Variants in RPTOR observed in about 807,000 individuals in gnomAD.
RPTOR encodes the protein regulatory associated protein of MTOR complex 1.
A neutral mutation model predicts 169.9 loss-of-function variants in RPTOR; 21 were observed. The ratio of observed to expected loss-of-function variants is 0.12; its 90% CI spans 0.09 to 0.18. The LOEUF (loss-of-function observed/expected upper bound fraction) is 0.18. RPTOR is among the 10% of genes least tolerant of loss of function. RPTOR has a pLI of 1.00. For synonymous variants in RPTOR, 732 were observed against 753.2 expected, an observed-to-expected ratio of 0.97 and a Z score of 0.46; for missense variants, 1,133 against 1,855.9, an observed-to-expected ratio of 0.61 and a Z score of 7.16.
chr17:80,617,886 C>T (rs944756042), intron 1 of RPTOR, among the ~76,000 whole-genome samples: 17 of 152,162 alleles, frequency 1.1e-4, no homozygotes, highest in African/African-American at 3.9e-4. Context: ...TTCACACACC[C>T]GCACCAGGGC....
At chr17:80,816,074 G>T (rs547252247) in intron 7 of RPTOR, among the ~76,000 whole-genome samples, 11 of 152,250 alleles carry the variant, frequency 7.2e-5, no homozygotes, top group Admixed American at 2.0e-4. Context: ...CCAGCCAGAG[G>T]AGTTTTGCTT....
At chr17:80,602,533 A>T in intron 1 of RPTOR, 1 of 507,206 alleles carries the variant, frequency 2.0e-6, no homozygotes, top group South Asian at 1.6e-5. Context: ...TATTTGATGT[A>T]TTTGATGATC....
intron 2 of RPTOR, among the ~76,000 whole-genome samples, chr17:80,636,166 G>C (rs940524967): frequency 6.6e-6 from 1 of 152,026 alleles, no homozygotes; most frequent in African/African-American, 2.4e-5. Flanking sequence ...TAGTGATGCC[G>C]TGTACCTCAT....
At chr17:80,925,254 C>A (rs1235454884) in intron 23 of RPTOR, 116 bp from the exon 24 acceptor site, 2 of 787,800 alleles carry the variant, frequency 2.5e-6, no homozygotes, top group African/African-American at 1.7e-5. Flanking sequence ...TCCTTAGGGG[C>A]AGCCCGGTGC....
At chr17:80,876,529 G>A (rs1415308164) in intron 13 of RPTOR, among the ~76,000 whole-genome samples, 3 of 76,476 alleles carry the variant, frequency 3.9e-5, no homozygotes, top group African/African-American at 1.4e-4. Flanking sequence ...TGTGTGTGTC[G>A]CCTGCCGTGT....
At chr17:80,713,579 A>G (rs2066214721) in intron 4 of RPTOR, among the ~76,000 whole-genome samples, 1 of 152,218 alleles carries the variant, frequency 6.6e-6, no homozygotes, top group Non-Finnish European at 1.5e-5. Context: ...ATGTATTTTA[A>G]ATACAAAGAC....
intron 9 of RPTOR, among the ~76,000 whole-genome samples, chr17:80,833,787 C>T (rs867049260): frequency 6.6e-6 from 1 of 152,168 alleles, no homozygotes; most frequent in African/African-American, 2.4e-5. Context: ...GTCAGGAGTT[C>T]GAGACCCGCC....
intron 6 of RPTOR, among the ~76,000 whole-genome samples, chr17:80,768,857 G>C (rs369578524): frequency 6.6e-6 from 1 of 152,118 alleles, no homozygotes; most frequent in Non-Finnish European, 1.5e-5. Flanking sequence ...AATCAGTGAC[G>C]TTAGGTCACA....
At chr17:80,872,551 A>T (rs2068062779) in intron 13 of RPTOR, among the ~76,000 whole-genome samples, 1 of 152,210 alleles carries the variant, frequency 6.6e-6, no homozygotes, top group Non-Finnish European at 1.5e-5. Context: ...GCCAGGCTGC[A>T]GGGAACTGGG....
chr17:80,826,381 G>A (rs376834174), intron 9 of RPTOR, among the ~76,000 whole-genome samples: 3 of 152,280 alleles, frequency 2.0e-5, no homozygotes, highest in African/African-American at 4.8e-5. Context: ...GACACTTCCC[G>A]GCCGGCTGTG....
chr17:80,907,643 C>T (rs188019246), intron 20 of RPTOR, among the ~76,000 whole-genome samples: 223 of 143,786 alleles, frequency 1.6e-3, no homozygotes, highest in African/African-American at 3.4e-3. Context: ...GCCTGCCCCC[C>T]CTTCTGGTTT....
At chr17:80,631,869 G>A (rs943587056) in intron 2 of RPTOR, among the ~76,000 whole-genome samples, 1 of 152,172 alleles carries the variant, frequency 6.6e-6, no homozygotes, top group African/African-American at 2.4e-5. Context: ...AGCTTGGGAG[G>A]TCGAGGCTGC....
At chr17:80,850,676 C>T (rs1270573813) in intron 11 of RPTOR, among the ~76,000 whole-genome samples, 1 of 152,204 alleles carries the variant, frequency 6.6e-6, no homozygotes, top group Non-Finnish European at 1.5e-5. Flanking sequence ...CTCCGTGCAT[C>T]ATTTTTTTTA....
chr17:80,845,642 G>A lies in RPTOR; in HGVS notation c.1213-831G>A, dbSNP rs1036607741. On this transcript the variant is annotated intron_variant, in intron 10 of 33. Transcript: ENST00000306801. This position sits in a 1 kb window ranked among gnomAD's most constrained non-coding sequence, Gnocchi z 5.4. ...TTCCCCACCCTCCGTGCCCCCAGCT[G>A]GGTCTTTCTCACCAGCGTCCTGTCC... Among the ~76,000 whole-genome samples, 9 of 151,862 alleles carry A rather than the reference G, an allele frequency of 5.9e-5. No individual in the cohort carries two copies. The highest frequency in any genetic ancestry group is 2.2e-4 in the African/African-American group (9 of 41,334).
At chr17:80,871,853 C>G (rs974967954) in intron 13 of RPTOR, among the ~76,000 whole-genome samples, 1 of 152,070 alleles carries the variant, frequency 6.6e-6, no homozygotes, top group African/African-American at 2.4e-5. Context: ...CCTGCAGTAC[C>G]ATCTTCCAGC....
chr17:80,738,679 C>G (rs1407565972), intron 5 of RPTOR, among the ~76,000 whole-genome samples: 2 of 152,202 alleles, frequency 1.3e-5, no homozygotes, highest in African/African-American at 2.4e-5. Context: ...CTTGTAGCCT[C>G]TCTTCTACTG....
intron 1 of RPTOR, among the ~76,000 whole-genome samples, chr17:80,556,026 GT>G (rs780152315): frequency 5.4e-5 from 8 of 146,828 alleles, no homozygotes; most frequent in Non-Finnish European, 8.9e-5. Context: ...AAAGTTTTTT[GT>G]TTTTTTTTTC....
chr17:80,910,987 C>T (rs1360536740), intron 21 of RPTOR, among the ~76,000 whole-genome samples: 1 of 152,124 alleles, frequency 6.6e-6, no homozygotes, highest in Non-Finnish European at 1.5e-5. Context: ...TGAGCCACCA[C>T]ACCCGGCTAA....
chr17:80,946,361 G>A (rs1240850567), intron 26 of RPTOR, among the ~76,000 whole-genome samples: 1 of 152,122 alleles, frequency 6.6e-6, no homozygotes, highest in East Asian at 1.9e-4. Context: ...CATTTTAACC[G>A]TTCTGAGTGC....
Sources: allele counts gnomAD v4.1 joint callset (sites outside exome capture counted in the v4.1 genomes callset), GRCh38; gene constraint gnomAD v4.1.1; non-coding constraint Gnocchi (gnomAD v3.1); transcripts MANE v1.5; gene names NCBI Gene and HGNC (gene_info 2026-07-23, HGNC 2026-07-21).